The following KDM4C variants were observed in gnomAD, a reference collection of about 807,000 sequenced individuals.
The protein encoded by KDM4C is lysine demethylase 4C.
A neutral mutation model predicts 129.3 loss-of-function variants in KDM4C; 81 were observed. The observed-to-expected ratio is 0.63, with a 90% confidence interval of 0.52 to 0.75. KDM4C has a LOEUF of 0.75. KDM4C is among the 30% of genes least tolerant of loss of function. KDM4C has a pLI of 0.00. For synonymous variants in KDM4C, 573 were observed against 456.1 expected, an observed-to-expected ratio of 1.26 and a Z score of -3.26; for missense variants, 1,457 against 1,304.0, an observed-to-expected ratio of 1.12 and a Z score of -1.81.
chr9:6,855,817 T>G (rs1839705010), intron 5 of KDM4C, among the ~76,000 whole-genome samples: 1 of 152,270 alleles, frequency 6.6e-6, no homozygotes, highest in African/African-American at 2.4e-5. Flanking sequence ...TAAGCTTGTT[T>G]AATGTACATC....
chr9:6,723,005 C>G (rs993275380), intron 1 of KDM4C, among the ~76,000 whole-genome samples: 1 of 151,752 alleles, frequency 6.6e-6, no homozygotes, highest in Non-Finnish European at 1.5e-5. Context: ...CTCATAAAAA[C>G]AAAACAAAAA....
intron 12 of KDM4C, among the ~76,000 whole-genome samples, chr9:7,010,819 G>A (rs1452170049): frequency 6.6e-6 from 1 of 152,246 alleles, no homozygotes; most frequent in Middle Eastern, 3.4e-3. Context: ...TGAGGTGGGT[G>A]GATCACCTGA....
At chr9:7,018,778 G>A (rs1357214915) in intron 15 of KDM4C, among the ~76,000 whole-genome samples, 3 of 152,186 alleles carry the variant, frequency 2.0e-5, no homozygotes, top group Non-Finnish European at 2.9e-5. Context: ...CATGTAGCAT[G>A]TTTCATACAG....
At chr9:6,834,467 TA>T (rs1248424718) in intron 4 of KDM4C, 9 of 539,322 alleles carry the variant, frequency 1.7e-5, no homozygotes, top group Non-Finnish European at 3.2e-5. Flanking sequence ...TAGATGATGA[TA>T]TTGCTACGCC....
chr9:6,876,735 C>A (rs1330286437), intron 5 of KDM4C, among the ~76,000 whole-genome samples: 1 of 152,114 alleles, frequency 6.6e-6, no homozygotes, highest in Non-Finnish European at 1.5e-5. Context: ...TGACTGAGTG[C>A]CCCTGAAGCC....
chr9:6,889,112 T>C lies in KDM4C; in HGVS notation c.783+1049T>C, dbSNP rs537748902. Among the ~76,000 whole-genome samples the C allele has an allele frequency of 9.9e-5, 15 of 152,178 alleles. No homozygotes were observed. In the South Asian group the frequency reaches 3.1e-3, roughly 32 times the overall value. ...CCTTCTGTGTTTTTTATTTGACTTT[T>C]CTTCTCATAATCCTTGCTGCTTTCC... On this transcript the variant is annotated intron_variant, in intron 7 of 21. Coordinates refer to ENST00000381309, the MANE Select transcript of KDM4C (RefSeq NM_015061.6).
At chr9:6,735,350 T>G (rs1329481392) in intron 1 of KDM4C, among the ~76,000 whole-genome samples, 1 of 152,220 alleles carries the variant, frequency 6.6e-6, no homozygotes, top group African/African-American at 2.4e-5. Context: ...AAAAAGGGCT[T>G]GTTGTTTCTT....
chr9:7,157,840 G>A (rs1408099426), intron 19 of KDM4C, among the ~76,000 whole-genome samples: 1 of 152,152 alleles, frequency 6.6e-6, no homozygotes, highest in Non-Finnish European at 1.5e-5. Context: ...TCTCTGCCAG[G>A]CTTTGGTATC....
chr9:6,769,053 G>T (rs943380697), intron 1 of KDM4C, among the ~76,000 whole-genome samples: 1 of 152,018 alleles, frequency 6.6e-6, no homozygotes, highest in Non-Finnish European at 1.5e-5. Context: ...GATTACAAGC[G>T]TGAGCCACTA....
At chr9:6,807,925 C>A (rs569786878) in intron 3 of KDM4C, among the ~76,000 whole-genome samples, 2 of 137,236 alleles carry the variant, frequency 1.5e-5, no homozygotes, top group Non-Finnish European at 3.2e-5. Flanking sequence ...CCAGCCACCC[C>A]CTCCGGGAGG....
intron 8 of KDM4C, among the ~76,000 whole-genome samples, chr9:6,934,680 T>G (rs1824417961): frequency 6.6e-6 from 1 of 151,870 alleles, no homozygotes; most frequent in South Asian, 2.1e-4. Context: ...GCCAGGATGG[T>G]CTCAATCTCT....
intron 16 of KDM4C, among the ~76,000 whole-genome samples, chr9:7,048,374 G>C (rs1366591942): frequency 2.0e-5 from 3 of 152,022 alleles, no homozygotes; most frequent in Admixed American, 6.6e-5. Context: ...CTTAAAAATA[G>C]GTTGATGGAT....
At chr9:6,831,553 G>A (rs1834830533) in intron 4 of KDM4C, among the ~76,000 whole-genome samples, 2 of 152,116 alleles carry the variant, frequency 1.3e-5, no homozygotes, top group Admixed American at 6.5e-5. Flanking sequence ...ATGTTGGCCA[G>A]GCTGGTCTCG....
At chr9:7,019,790 T>TATATTTTTATATATAAAAATA (rs1200204003) in intron 15 of KDM4C, among the ~76,000 whole-genome samples, 25 of 72,294 alleles carry the variant, frequency 3.5e-4, no homozygotes, top group Non-Finnish European at 4.4e-4. Flanking sequence ...ATAAAAATAT[T>TATATTTTTATATATAAAAATA]TTAGAAGCAA....
At chr9:6,782,481 C>A (rs1216832890) in intron 1 of KDM4C, among the ~76,000 whole-genome samples, 3 of 152,124 alleles carry the variant, frequency 2.0e-5, no homozygotes, top group African/African-American at 7.2e-5. Flanking sequence ...CAATGGAGTT[C>A]TTATGAGATT....
intron 1 of KDM4C, among the ~76,000 whole-genome samples, chr9:6,774,334 C>G (rs1295338849): frequency 6.6e-6 from 1 of 152,072 alleles, no homozygotes; most frequent in African/African-American, 2.4e-5. Flanking sequence ...TTTAAAAACT[C>G]AAGAGTAATT....
At chr9:6,855,618 C>G (rs1219256015) in intron 5 of KDM4C, among the ~76,000 whole-genome samples, 1 of 152,062 alleles carries the variant, frequency 6.6e-6, no homozygotes, top group Non-Finnish European at 1.5e-5. Context: ...TTCTCCCTCC[C>G]TCCACTCTCT....
intron 1 of KDM4C, among the ~76,000 whole-genome samples, chr9:6,741,755 A>G (rs1237942726): frequency 6.9e-6 from 1 of 144,102 alleles, no homozygotes; most frequent in Non-Finnish European, 1.5e-5. Context: ...AATAATAGAG[A>G]CAGGGTCTAA....
At chr9:6,754,723 C>T (rs549215560), upstream of KDM4C, among the ~76,000 whole-genome samples, 1 of 151,302 alleles carries the variant, frequency 6.6e-6, no homozygotes, top group South Asian at 2.1e-4. Context: ...AAGAAATAAA[C>T]AAATTAGCCA....
Sources: gnomAD v4.1 joint callset for allele counts (sites outside exome capture counted in the v4.1 genomes callset) on GRCh38, gnomAD v4.1.1 for gene constraint, MANE v1.5 for transcripts, NCBI Gene and HGNC (gene_info 2026-07-23, HGNC 2026-07-21) for gene names.